Variants in RMC1 observed in about 807,000 individuals in gnomAD.
The protein encoded by RMC1 is regulator of MON1-CCZ1.
Under a neutral mutation model 95.5 loss-of-function variants are expected in RMC1, and 44 were observed. The observed-to-expected ratio is 0.46, with a 90% CI of 0.36 to 0.59. The LOEUF is 0.59. Ranked by LOEUF, RMC1 falls within the 20% of genes least tolerant of loss-of-function variation. The pLI is 0.00. For synonymous variants in RMC1, 320 were observed against 303.6 expected (o/e 1.05, Z -0.56); for missense variants, 705 against 819.6 (o/e 0.86, Z 1.71).
rs183687621 is a variant in RMC1 at position 23,513,110 on chromosome 18, C to T, written c.409-2746C>T. Among the ~76,000 whole-genome samples the T allele has an allele frequency of 3.3e-5, 5 of 152,196 alleles. No individual in the cohort carries two copies. In the East Asian group the frequency reaches 7.7e-4, roughly 24 times the overall value. ...CTGGGATTACAGGTGTGCGCCACCA[C>T]GCCTGGCTAATTTTTGTATTTTTGG... is the stretch of plus-strand genomic sequence containing the variant. On this transcript the variant is annotated intron_variant, in intron 5 of 19. Coordinates refer to ENST00000269221, the MANE Select transcript of RMC1 (RefSeq NM_013326.5).
At chr18:23,521,352 T>C (rs2058136406) in intron 10 of RMC1, among the ~76,000 whole-genome samples, 1 of 152,218 alleles carries the variant, frequency 6.6e-6, no homozygotes, top group South Asian at 2.1e-4. Flanking sequence ...ACCCGTAACG[T>C]TTTCTGTTTG....
At chr18:23,519,534 T>C (rs987536260) in intron 9 of RMC1, among the ~76,000 whole-genome samples, 1 of 150,506 alleles carries the variant, frequency 6.6e-6, no homozygotes, top group Non-Finnish European at 1.5e-5. Context: ...AAAAAAAAAA[T>C]TGGCAAAATG....
At chr18:23,524,357 G>C in intron 11 of RMC1, 72 bp from the exon 12 acceptor site, 1 of 1,551,404 alleles carries the variant, frequency 6.4e-7, no homozygotes. Flanking sequence ...GGGCAGGGGC[G>C]AGTGCTAGCG....
rs543181737 is a variant in RMC1 at position 23,517,561 on chromosome 18, C to G, written c.653+1138C>G. On this transcript the variant is annotated intron_variant, in intron 7 of 19. Transcript: ENST00000269221. ...AAAAAGAACCCCTGTATGCCTGTAT[C>G]TGATTCGACAATAGTCAAAATTTTG... Among the ~76,000 whole-genome samples the G allele has an allele frequency of 3.3e-5, 5 of 152,330 alleles. No individual in the cohort carries two copies. The South Asian group carries it at 1.0e-3, about 32-fold the overall frequency.
At chr18:23,523,543 CAAA>C (rs374224848) in intron 10 of RMC1, among the ~76,000 whole-genome samples, 1 of 76,406 alleles carries the variant, frequency 1.3e-5, no homozygotes, top group African/African-American at 5.7e-5. Context: ...CTTGTCTTCA[CAAA>C]AAAAAAAAAA....
At chr18:23,521,152 G>A (rs891707108) in intron 10 of RMC1, among the ~76,000 whole-genome samples, 4 of 152,174 alleles carry the variant, frequency 2.6e-5, no homozygotes, top group Non-Finnish European at 5.9e-5. Flanking sequence ...ACCATGCCCA[G>A]CCTGTTCTAG....
At chr18:23,529,855 T>C (rs1270691709) in intron 16 of RMC1, 143 bp downstream of exon 16, 2 of 1,052,146 alleles carry the variant, frequency 1.9e-6, no homozygotes, top group East Asian at 4.7e-5. Context: ...ACATTATTAG[T>C]TGGAATGGGA....
chr18:23,509,251 TA>T lies in RMC1; in HGVS notation c.382del (p.Thr128GlnfsTer17). The T allele has an allele frequency of 6.9e-7, 1 of 1,456,894 alleles. No individual in the cohort carries two copies. 90.2% of individuals were successfully genotyped at this position (1,456,894 alleles called of 1,614,324 possible). On this transcript the variant is annotated frameshift_variant, in exon 5 of 20. Transcript: ENST00000269221. LOFTEE classifies it high-confidence loss of function. Reference protein sequence around the residue: ...CWTSSTEIVFITDQGIEFYQV... With the variant: ...CWTSSTEIVFXTDQGIEFYQV... ...ACTAGTTCAACTGAAATTGTCTTCA[TA>T]ACAGATCAAGGAATCGAATTTTACC...
chr18:23,515,268 A>G (rs2057969233), intron 5 of RMC1, among the ~76,000 whole-genome samples: 2 of 152,226 alleles, frequency 1.3e-5, no homozygotes, highest in Admixed American at 6.5e-5. Flanking sequence ...TACCCAGGCT[A>G]TAATTGCTTT....
At chr18:23,503,871 G>T in intron 1 of RMC1, 151 bp downstream of exon 1, 1 of 645,272 alleles carries the variant, frequency 1.5e-6, no homozygotes. Context: ...CTTCCTTGTT[G>T]GGTGGGCTCA....
intron 12 of RMC1, among the ~76,000 whole-genome samples, chr18:23,524,752 G>A (rs1355983048): frequency 6.6e-6 from 1 of 151,654 alleles, no homozygotes; most frequent in African/African-American, 2.4e-5. Context: ...TCCACCCCAG[G>A]GTGGATGGAA....
intron 2 of RMC1, 36 bp downstream of exon 2, chr18:23,504,483 G>A (rs2057665219): frequency 3.3e-6 from 5 of 1,518,972 alleles, no homozygotes; most frequent in African/African-American, 1.4e-5. Flanking sequence ...ATTTTGTCAT[G>A]TAAACAGAAT....
chr18:23,504,849 A>C (rs1186720267), intron 2 of RMC1: 1 of 181,536 alleles, frequency 5.5e-6, no homozygotes, highest in African/African-American at 2.3e-5. Flanking sequence ...CATGGCTTCC[A>C]CTATACTTAA....
rs771637617 is a variant in RMC1, at chr18:23,524,417, T to C, written c.1007-12T>C. 1.9e-6 allele frequency: 3 copies of C among 1,613,942 alleles called. No individual in the cohort carries two copies. Among genetic ancestry groups the C allele is most frequent in the Non-Finnish European group, 2.5e-6 (3 of 1,179,778 alleles). On this transcript the variant is annotated splice_polypyrimidine_tract_variant and intron_variant, in intron 11 of 19. Coordinates refer to ENST00000269221, the MANE Select transcript of RMC1 (RefSeq NM_013326.5). ...CATCTTTTCCTGGTTTAGAATTTCC[T>C]ATAACATGTGGATTCTTCATCTTGG... is the stretch of plus-strand genomic sequence containing the variant.
rs1014868179 is a variant in RMC1, at chr18:23,516,094, T to A, written c.549+98T>A. ...CAGGCACGTTAGGGACAGGTTCCTC[T>A]AGCCGTAACGTCACCGCTCTGACCA... On this transcript the variant is annotated intron_variant, in intron 6 of 19. Transcript: ENST00000269221. 9 of 1,553,528 alleles carry A rather than the reference T, an allele frequency of 5.8e-6. No homozygotes were observed. In the African/African-American group the frequency reaches 1.2e-4, roughly 21 times the overall value.
intron 2 of RMC1, 149 bp from the exon 3 acceptor site, chr18:23,506,821 G>A (rs762773480): frequency 3.3e-5 from 19 of 583,708 alleles, no homozygotes; most frequent in Non-Finnish European, 5.3e-5. Context: ...TTTGAAAAGA[G>A]GTCCTACTGA....
chr18:23,504,255 G>A, intron 1 of RMC1, 116 bp from the exon 2 acceptor site: 1 of 805,776 alleles, frequency 1.2e-6, no homozygotes, highest in South Asian at 1.4e-5. Flanking sequence ...TATGTGCCGT[G>A]TTACTTTAGT....
chr18:23,531,374 ACT>A, intron 19 of RMC1: 1 of 569,314 alleles, frequency 1.8e-6, no homozygotes, highest in South Asian at 3.2e-5. Flanking sequence ...GTCTAATGAA[ACT>A]TCTAGGTCTA....
At chr18:23,516,045 T>A in intron 6 of RMC1, 49 bp downstream of exon 6, 3 of 1,612,304 alleles carry the variant, frequency 1.9e-6, no homozygotes, top group Non-Finnish European at 2.5e-6. Context: ...AGTTGTCCCC[T>A]GTTCCTGTAG....
Sources: gnomAD v4.1 joint callset for allele counts (sites outside exome capture counted in the v4.1 genomes callset) on GRCh38, gnomAD v4.1.1 for gene constraint, MANE v1.5 for transcripts, NCBI Gene and HGNC (gene_info 2026-07-23, HGNC 2026-07-21) for gene names.